Variants in NFIB observed in about 807,000 individuals in gnomAD.
The protein encoded by NFIB is nuclear factor 1 B-type.
In NFIB, 11 loss-of-function variants were observed where a neutral mutation model predicts 61.5. The observed-to-expected ratio is 0.18, with a 90% CI of 0.11 to 0.30. The LOEUF is 0.30. Ranked by LOEUF, NFIB falls within the 10% of genes least tolerant of loss-of-function variation. The pLI is 1.00. For missense variants in NFIB, 471 were observed against 608.9 expected (o/e 0.77, Z 2.38); for synonymous variants, 260 against 216.5 (o/e 1.20, Z -1.76).
At chr9:14,491,372 G>C in the NFIB span, among the ~76,000 whole-genome samples, 7 of 152,174 alleles carry the variant, frequency 4.6e-5, no homozygotes, top group Admixed American at 4.6e-4. Flanking sequence ...TAAATAGGAT[G>C]AATAAGGGCA....
intron 10 of NFIB, among the ~76,000 whole-genome samples, chr9:14,092,996 T>A (rs375995088): frequency 6.6e-6 from 1 of 152,012 alleles, no homozygotes; most frequent in South Asian, 2.1e-4. Flanking sequence ...TTTTTTAAAA[T>A]TATGCATTAT....
chr9:14,194,633 T>G (rs2048289427), intron 2 of NFIB, among the ~76,000 whole-genome samples: 1 of 152,222 alleles, frequency 6.6e-6, no homozygotes, highest in Admixed American at 6.5e-5. Flanking sequence ...ATGCTATGAT[T>G]TAAGAATTAT....
At chr9:14,182,282 G>A (rs551572773) in intron 2 of NFIB, among the ~76,000 whole-genome samples, 1 of 152,222 alleles carries the variant, frequency 6.6e-6, no homozygotes, top group East Asian at 1.9e-4. Flanking sequence ...ATGATCTGGT[G>A]TTTACTGGCA....
intron 2 of NFIB, among the ~76,000 whole-genome samples, chr9:14,196,595 T>C (rs756069471): frequency 6.6e-6 from 1 of 151,860 alleles, no homozygotes; most frequent in Non-Finnish European, 1.5e-5. Context: ...AAGTTAATTG[T>C]GTCTACTCCC....
intron 2 of NFIB, among the ~76,000 whole-genome samples, chr9:14,304,794 T>A (rs2059933032): frequency 6.6e-6 from 1 of 152,252 alleles, no homozygotes; most frequent in African/African-American, 2.4e-5. Context: ...GAATTATCTT[T>A]TAAAATCTGC....
intron 1 of NFIB, among the ~76,000 whole-genome samples, chr9:14,361,082 T>C (rs906618116): frequency 6.6e-5 from 10 of 152,172 alleles, no homozygotes; most frequent in Admixed American, 3.9e-4. Context: ...ATTAATTTTG[T>C]CACCCATAAT....
At chr9:14,518,204 T>C in the NFIB span, among the ~76,000 whole-genome samples, 14 of 152,336 alleles carry the variant, frequency 9.2e-5, no homozygotes, top group African/African-American at 3.4e-4. Context: ...ATCATAAAGA[T>C]ATTTTTCTAT....
At chr9:14,461,190 G>C in the NFIB span, among the ~76,000 whole-genome samples, 56,603 of 151,894 alleles carry the variant, frequency 0.37, 11,128 homozygotes, top group Admixed American at 0.49. Context: ...TCCCTCAGTA[G>C]ATTGTGAGGT....
intron 1 of NFIB, among the ~76,000 whole-genome samples, chr9:14,347,866 C>G (rs114067197): frequency 0.018 from 2,792 of 152,270 alleles, 85 homozygotes; most frequent in African/African-American, 0.064. Flanking sequence ...TCCCAGTATC[C>G]CGCCGCCCAG....
At chr9:14,377,623 G>A (rs1388773411) in intron 1 of NFIB, among the ~76,000 whole-genome samples, 4 of 152,098 alleles carry the variant, frequency 2.6e-5, no homozygotes, top group South Asian at 2.1e-4. Flanking sequence ...TTTGAAAGAC[G>A]GAGCATTTTG....
chr9:14,464,824 G>A, the NFIB span, among the ~76,000 whole-genome samples: 2 of 152,154 alleles, frequency 1.3e-5, no homozygotes, highest in African/African-American at 4.8e-5. Context: ...ACCTTGTGAA[G>A]TTATTTATCT....
intron 1 of NFIB, chr9:14,362,652 C>T (rs2061253754): frequency 6.6e-6 from 1 of 151,954 alleles, no homozygotes; most frequent in South Asian, 2.1e-4. Context: ...TCCCACACTT[C>T]AGGAGGCCGA....
At chr9:14,311,659 C>T (rs1334054957) in intron 1 of NFIB, among the ~76,000 whole-genome samples, 1 of 152,080 alleles carries the variant, frequency 6.6e-6, no homozygotes, top group Non-Finnish European at 1.5e-5. Flanking sequence ...TTAACTTACA[C>T]AAATTAAGAT....
Position 14,331,772 on chromosome 9 carries a change from G to A in NFIB, c.109-24252C>T, listed in dbSNP as rs182104446. On this transcript the variant is annotated intron_variant, in intron 1 of 8. Coordinates refer to the NFIB transcript ENST00000380934. ...TCTTAACCACGATTCCCTTACCTTC[G>A]AAAATCATGCCTGCTTCAGTGTGGT... is the stretch of plus-strand genomic sequence containing the variant. Among the ~76,000 whole-genome samples, 54 of 152,302 alleles carry A rather than the reference G, an allele frequency of 3.5e-4. 2 individuals are homozygous for A. The highest frequency in any genetic ancestry group is 6.8e-4 in the Non-Finnish European group (46 of 68,026).
chr9:14,386,546 C>G (rs1441260446), intron 1 of NFIB, among the ~76,000 whole-genome samples: 1 of 152,126 alleles, frequency 6.6e-6, no homozygotes, highest in East Asian at 1.9e-4. Context: ...AAGAGATGCT[C>G]ATAAAGGGGG....
At chr9:14,458,676 A>G in the NFIB span, among the ~76,000 whole-genome samples, 2 of 152,246 alleles carry the variant, frequency 1.3e-5, no homozygotes, top group African/African-American at 4.8e-5. Context: ...AAGTCTCAGC[A>G]TACAAAATCA....
At chr9:14,200,278 G>T (rs891160895) in intron 2 of NFIB, among the ~76,000 whole-genome samples, 1 of 152,144 alleles carries the variant, frequency 6.6e-6, no homozygotes, top group Non-Finnish European at 1.5e-5. Flanking sequence ...AGAAGAGAAA[G>T]ATTACAATAA....
At chr9:14,262,760 G>A (rs528550019) in intron 2 of NFIB, among the ~76,000 whole-genome samples, 6 of 152,096 alleles carry the variant, frequency 3.9e-5, no homozygotes, top group Non-Finnish European at 5.9e-5. Context: ...TCACTGGTAA[G>A]GCAGCTGTTT....
At chr9:14,517,120 G>C in the NFIB span, among the ~76,000 whole-genome samples, 1 of 152,184 alleles carries the variant, frequency 6.6e-6, no homozygotes, top group Admixed American at 6.5e-5. Flanking sequence ...AAATAGATTG[G>C]GAGCCACTAG....
Sources: gnomAD v4.1 joint callset for allele counts (sites outside exome capture counted in the v4.1 genomes callset) on GRCh38, gnomAD v4.1.1 for gene constraint, MANE v1.5 for transcripts, NCBI Gene and HGNC (gene_info 2026-07-23, HGNC 2026-07-21) for gene names.